SEMA5A: variants seen among roughly 807,000 people sequenced by gnomAD.
SEMA5A encodes the protein semaphorin 5A.
A neutral mutation model predicts 135.5 loss-of-function variants in SEMA5A; 55 were observed. That is an observed-to-expected ratio of 0.41 (90% CI 0.33 to 0.51). The LOEUF is 0.51. Ranked by LOEUF, SEMA5A falls within the 20% of genes least tolerant of loss-of-function variation. The pLI is 0.37. For missense variants in SEMA5A, 1,290 were observed against 1,419.9 expected, an observed-to-expected ratio of 0.91 and a Z score of 1.47; for synonymous variants, 580 against 546.5, an observed-to-expected ratio of 1.06 and a Z score of -0.85.
intron 1 of SEMA5A, among the ~76,000 whole-genome samples, chr5:9,457,858 C>T (rs1046117115): frequency 4.7e-5 from 6 of 126,766 alleles, no homozygotes; most frequent in African/African-American, 1.8e-4. Flanking sequence ...ATATGAGGTA[C>T]AAAAGGAAAG....
intron 9 of SEMA5A, 41 bp from the exon 10 acceptor site, chr5:9,197,344 G>A (rs760888260): frequency 1.1e-5 from 17 of 1,599,224 alleles, no homozygotes; most frequent in African/African-American, 1.3e-5. Context: ...CAGAGAGCTC[G>A]GCAGCACCTG....
chr5:9,378,286 G>A (rs1310684016), intron 3 of SEMA5A, among the ~76,000 whole-genome samples: 3 of 152,086 alleles, frequency 2.0e-5, no homozygotes, highest in African/African-American at 4.8e-5. Flanking sequence ...TTCAGGATAC[G>A]TAAAGAGTTG....
chr5:9,499,838 A>G (rs1008492338), intron 1 of SEMA5A, among the ~76,000 whole-genome samples: 3 of 152,242 alleles, frequency 2.0e-5, no homozygotes, highest in Non-Finnish European at 4.4e-5. Flanking sequence ...CATCACATGG[A>G]GCACAGAGCA....
intron 3 of SEMA5A, among the ~76,000 whole-genome samples, chr5:9,366,837 A>ATAG (rs2126412169): frequency 6.6e-6 from 1 of 152,372 alleles, no homozygotes; most frequent in Admixed American, 6.5e-5. Context: ...AACCTTAGAT[A>ATAG]TAGTAGCCCT....
intron 1 of SEMA5A, among the ~76,000 whole-genome samples, chr5:9,530,573 C>G (rs777266694): frequency 6.6e-6 from 1 of 152,018 alleles, no homozygotes; most frequent in Non-Finnish European, 1.5e-5. Flanking sequence ...AGGAAGAAAA[C>G]AGAATAGAAG....
intron 5 of SEMA5A, among the ~76,000 whole-genome samples, chr5:9,310,802 C>CATATAT (rs59096330): frequency 0.59 from 86,547 of 146,056 alleles, 27,972 homozygotes; most frequent in Non-Finnish European, 0.73. Context: ...TGCATATATA[C>CATATAT]ATATATATAT....
chr5:9,116,706 T>C (rs1019375440), intron 15 of SEMA5A, among the ~76,000 whole-genome samples: 1 of 152,220 alleles, frequency 6.6e-6, no homozygotes, highest in African/African-American at 2.4e-5. Flanking sequence ...ATAAATATGA[T>C]ATACATGTAT....
chr5:9,287,021 C>A (rs780858864), intron 5 of SEMA5A, among the ~76,000 whole-genome samples: 12 of 152,152 alleles, frequency 7.9e-5, no homozygotes, highest in Non-Finnish European at 1.5e-4. Context: ...GTACCCAATG[C>A]ATTGAGGGAG....
rs564938421 is a variant in SEMA5A at position 9,039,817 on chromosome 5, C to T, written c.*3080G>A. ...CCCCAGTTTCACCAAAGCTACATGT[C>T]CCTGGAGCTACAGGAAGCCCACATG... On this transcript the variant is annotated 3_prime_UTR_variant, in exon 23 of 23. Transcript: ENST00000382496. 8 of 152,318 alleles carry T rather than the reference C, an allele frequency of 5.3e-5. No homozygotes were observed. In the South Asian group the frequency reaches 1.4e-3, roughly 28 times the overall value. 9.4% of individuals were successfully genotyped at this position (152,318 alleles called of 1,614,324 possible).
At chr5:9,396,059 T>G (rs1210305277) in intron 2 of SEMA5A, among the ~76,000 whole-genome samples, 1 of 152,100 alleles carries the variant, frequency 6.6e-6, no homozygotes, top group Admixed American at 6.5e-5. Flanking sequence ...ACTAATACCG[T>G]GTATCACAAT....
At chr5:9,514,902 T>A (rs1736420310) in intron 1 of SEMA5A, among the ~76,000 whole-genome samples, 1 of 152,214 alleles carries the variant, frequency 6.6e-6, no homozygotes, top group Admixed American at 6.5e-5. Context: ...GCTCCATGCA[T>A]CATTAACCTT....
chr5:9,053,248 G>A (rs933233067), intron 19 of SEMA5A, among the ~76,000 whole-genome samples: 4 of 152,186 alleles, frequency 2.6e-5, no homozygotes, highest in South Asian at 4.1e-4. Flanking sequence ...AGCTTGAAGC[G>A]AGGAGCTCCC....
chr5:9,047,376 T>G (rs1412169542), intron 21 of SEMA5A, among the ~76,000 whole-genome samples: 1 of 152,228 alleles, frequency 6.6e-6, no homozygotes, highest in Non-Finnish European at 1.5e-5. Flanking sequence ...TTGTGTCTCA[T>G]GCAACTAAAA....
chr5:9,544,221 A>C (rs1738247188), intron 1 of SEMA5A, among the ~76,000 whole-genome samples: 1 of 152,164 alleles, frequency 6.6e-6, no homozygotes, highest in Non-Finnish European at 1.5e-5. Context: ...GTCTTTCTTC[A>C]AAACAAACCA....
At chr5:9,189,448 AT>A (rs1744980889) in intron 11 of SEMA5A, among the ~76,000 whole-genome samples, 1 of 139,568 alleles carries the variant, frequency 7.2e-6, no homozygotes, top group African/African-American at 2.6e-5. Context: ...GTAACTAGGA[AT>A]TGAGAGGTTC....
At chr5:9,246,719 T>C (rs1225488941) in intron 5 of SEMA5A, among the ~76,000 whole-genome samples, 4 of 152,132 alleles carry the variant, frequency 2.6e-5, no homozygotes, top group Non-Finnish European at 5.9e-5. Flanking sequence ...CAAGATAAAA[T>C]TTTAAACAAT....
At chr5:9,525,806 G>C (rs188553856) in intron 1 of SEMA5A, among the ~76,000 whole-genome samples, 1 of 152,202 alleles carries the variant, frequency 6.6e-6, no homozygotes, top group African/African-American at 2.4e-5. Context: ...TTTTCTTTAC[G>C]CATGAATCAA....
At chr5:9,154,137 GTATA>G (rs1169312080) in intron 12 of SEMA5A, among the ~76,000 whole-genome samples, 1 of 139,928 alleles carries the variant, frequency 7.1e-6, no homozygotes, top group Admixed American at 7.3e-5. Flanking sequence ...GTGTGTGTGT[GTATA>G]TATATATACA....
intron 2 of SEMA5A, chr5:9,390,993 A>C (rs1756135267): frequency 6.6e-6 from 1 of 152,226 alleles, no homozygotes; most frequent in African/African-American, 2.4e-5. Flanking sequence ...TAAAATTTTA[A>C]CAGGTAAGTC....
Sources: allele counts gnomAD v4.1 joint callset (sites outside exome capture counted in the v4.1 genomes callset), GRCh38; gene constraint gnomAD v4.1.1; transcripts MANE v1.5; gene names NCBI Gene and HGNC (gene_info 2026-07-23, HGNC 2026-07-21).